NANS: variants seen among roughly 807,000 people sequenced by gnomAD.
The protein encoded by NANS is N-acetylneuraminate synthase.
Under a neutral mutation model 33.3 loss-of-function variants are expected in NANS, and 29 were observed. The ratio of observed to expected loss-of-function variants is 0.87; its 90% CI spans 0.65 to 1.19. The LOEUF (loss-of-function observed/expected upper bound fraction) is 1.19, where lower values mean the gene tolerates loss of function less well. Ranked by LOEUF, NANS falls within the 50% of genes most tolerant of loss-of-function variation. NANS has a pLI of 0.00. For missense variants in NANS, 394 were observed against 461.1 expected, an observed-to-expected ratio of 0.85 and a Z score of 1.33; for synonymous variants, 163 against 177.2, an observed-to-expected ratio of 0.92 and a Z score of 0.64.
intron 1 of NANS, among the ~76,000 whole-genome samples, chr9:98,059,622 C>T (rs754328748): frequency 1.8e-4 from 27 of 152,088 alleles, no homozygotes; most frequent in African/African-American, 2.7e-4. Context: ...ACTATGTTGC[C>T]GAGGCTGGTC....
In NANS at chr9:98,056,791, G is replaced by A. The variant is rs1554728030; in HGVS notation, c.-18G>A. ...GGACCCAGACTGGTAGTGAGGCTTT[G>A]GACCCCGAGCCGCTGCAATGCCGCT... On this transcript the variant is annotated 5_prime_UTR_variant, in exon 1 of 6. Coordinates refer to ENST00000210444, the MANE Select transcript of NANS (RefSeq NM_018946.4). 1 of 1,609,636 alleles carries A rather than the reference G, an allele frequency of 6.2e-7. No homozygotes were observed. The highest frequency in any genetic ancestry group is 1.1e-5 in the South Asian group (1 of 90,744).
At chr9:98,079,224 C>T (rs1387697976) in intron 4 of NANS, among the ~76,000 whole-genome samples, 1 of 152,214 alleles carries the variant, frequency 6.6e-6, no homozygotes, top group African/African-American at 2.4e-5. Context: ...GCCTTTGTCT[C>T]TTACTGTCTC....
chr9:98,073,426 A>G (rs1186593648), intron 2 of NANS, among the ~76,000 whole-genome samples: 1 of 151,654 alleles, frequency 6.6e-6, no homozygotes, highest in African/African-American at 2.4e-5. Context: ...CTGGGATTAC[A>G]GACACACACC....
intron 4 of NANS, 99 bp from the exon 5 acceptor site, chr9:98,080,717 T>G (rs1381042307): frequency 7.3e-7 from 1 of 1,365,778 alleles, no homozygotes; most frequent in African/African-American, 1.5e-5. Context: ...GCACAGCTAG[T>G]GAGTGGCTAA....
At chr9:98,077,568 C>T (rs191110905) in intron 3 of NANS, among the ~76,000 whole-genome samples, 22 of 152,122 alleles carry the variant, frequency 1.4e-4, no homozygotes, top group African/African-American at 5.1e-4. Flanking sequence ...ATATATAAAA[C>T]CTAGCTGGGT....
At chr9:98,062,802 CAG>C (rs1352768077) in intron 2 of NANS, among the ~76,000 whole-genome samples, 2 of 120,268 alleles carry the variant, frequency 1.7e-5, no homozygotes, top group Non-Finnish European at 3.4e-5. Flanking sequence ...TTTTTTGAGA[CAG>C]AGTCTCAAAA....
At chr9:98,078,492 G>A (rs1364030512) in intron 4 of NANS, 145 bp downstream of exon 4, 6 of 1,147,398 alleles carry the variant, frequency 5.2e-6, no homozygotes, top group African/African-American at 1.6e-5. Flanking sequence ...AATCAAATTC[G>A]AGCTAAGCAG....
intron 2 of NANS, among the ~76,000 whole-genome samples, chr9:98,066,923 T>C (rs1173353709): frequency 6.6e-6 from 1 of 152,196 alleles, no homozygotes; most frequent in Non-Finnish European, 1.5e-5. Context: ...AGTGCTGGGA[T>C]TGTAGGTGTG....
chr9:98,069,816 T>C (rs1829258998), intron 2 of NANS: 1 of 152,230 alleles, frequency 6.6e-6, no homozygotes, highest in South Asian at 2.1e-4. Context: ...TGGTACCTTC[T>C]GTATGGTGAC....
chr9:98,062,201 G>C (rs1829002765), intron 2 of NANS, among the ~76,000 whole-genome samples: 1 of 150,062 alleles, frequency 6.7e-6, no homozygotes, highest in Non-Finnish European at 1.5e-5. Context: ...GCAAGACCCT[G>C]TCTCTTAATA....
At chr9:98,080,056 A>G (rs1466887026) in intron 4 of NANS, among the ~76,000 whole-genome samples, 1 of 152,182 alleles carries the variant, frequency 6.6e-6, no homozygotes, top group Non-Finnish European at 1.5e-5. Context: ...TCTACTAAAA[A>G]TACAAAAATT....
chr9:98,074,212 T>C (rs1349537810), intron 2 of NANS, among the ~76,000 whole-genome samples: 1 of 152,198 alleles, frequency 6.6e-6, no homozygotes, highest in Non-Finnish European at 1.5e-5. Context: ...AACGAGGCTA[T>C]CCATGGGACC....
Position 98,082,530 on chromosome 9 carries a change from G to A in NANS, c.871-316G>A, listed in dbSNP as rs1402508223. On this transcript the variant is annotated intron_variant, in intron 5 of 5. Transcript: ENST00000210444. Reference sequence around the variant, plus strand: ...TCCTTACAGTCATCTGACAGGATAAGTTTCCATTTGACAGAGAAACTAAAA... The same window carrying A: ...TCCTTACAGTCATCTGACAGGATAAATTTCCATTTGACAGAGAAACTAAAA... Among the ~76,000 whole-genome samples the A allele has an allele frequency of 5.3e-5, 8 of 152,296 alleles. No homozygotes were observed. The East Asian group carries it at 1.3e-3, about 26-fold the overall frequency.
intron 2 of NANS, among the ~76,000 whole-genome samples, chr9:98,066,613 A>G (rs1458358443): frequency 6.6e-6 from 1 of 151,920 alleles, no homozygotes; most frequent in East Asian, 1.9e-4. Flanking sequence ...AGCACTCCTC[A>G]ATTGCCCCAA....
intron 3 of NANS, 190 bp from the exon 4 acceptor site, chr9:98,078,002 GC>G (rs999571767): frequency 2.8e-6 from 2 of 709,416 alleles, no homozygotes; most frequent in Admixed American, 3.0e-5. Context: ...GCAGAGGGGA[GC>G]CCACCTTTCC....
intron 2 of NANS, among the ~76,000 whole-genome samples, chr9:98,068,376 G>C (rs1175046344): frequency 6.6e-6 from 1 of 151,982 alleles, no homozygotes; most frequent in Non-Finnish European, 1.5e-5. Flanking sequence ...CTGATCTCAA[G>C]TGATCTGCCT....
Position 98,078,255 on chromosome 9 carries a change from A to G in NANS, c.511A>G (p.Ile171Val), listed in dbSNP as rs774234011. The change falls in exon 4 of 6, where the codon ATC becomes GTC. Residue 171 changes from isoleucine (I) to valine (V), a missense_variant. By Grantham distance (29) the Ile-to-Val change is conservative (BLOSUM62 3). Coordinates refer to ENST00000210444, the MANE Select transcript of NANS (RefSeq NM_018946.4). The part of the protein sequence containing the change: ...SMDTMKQVYQ[I>V]VKPLNPNFCF... ...GGACACCATGAAGCAAGTTTATCAG[A>G]TCGTGAAGCCCCTCAACCCCAACTT... is the stretch of plus-strand genomic sequence containing the variant. 1.9e-6 allele frequency: 3 copies of G among 1,614,150 alleles called. No homozygotes were observed. The East Asian group carries it at 6.7e-5, about 36-fold the overall frequency.
chr9:98,070,187 G>A (rs1587913212), intron 2 of NANS, among the ~76,000 whole-genome samples: 2 of 152,304 alleles, frequency 1.3e-5, no homozygotes, highest in East Asian at 3.9e-4. Flanking sequence ...GCACGATTGT[G>A]GCTCACTGTA....
At chr9:98,080,096 C>T (rs1829785811) in intron 4 of NANS, among the ~76,000 whole-genome samples, 1 of 152,180 alleles carries the variant, frequency 6.6e-6, no homozygotes, top group African/African-American at 2.4e-5. Context: ...CACCCATAGT[C>T]CCAGCTGCTC....
Sources: allele counts gnomAD v4.1 joint callset (sites outside exome capture counted in the v4.1 genomes callset), GRCh38; gene constraint gnomAD v4.1.1; transcripts MANE v1.5; gene names NCBI Gene and HGNC (gene_info 2026-07-23, HGNC 2026-07-21).